The following ANK1 variants were observed in gnomAD, a reference collection of about 807,000 sequenced individuals.
The protein encoded by ANK1 is ankyrin-1.
ANK1 carries 51 observed loss-of-function variants against 210.4 expected under a neutral mutation model. That is an observed-to-expected ratio of 0.24 (90% CI 0.19 to 0.31). ANK1 has a LOEUF of 0.31. Ranked by LOEUF, ANK1 falls within the 10% of genes least tolerant of loss-of-function variation. The pLI is 1.00. For synonymous variants in ANK1, 967 were observed against 1,025.9 expected (o/e 0.94, Z 1.10); for missense variants, 2,051 against 2,504.4 (o/e 0.82, Z 3.86).
Position 41,810,666 on chromosome 8 carries a change from G to A in ANK1, c.127-52529C>T, listed in dbSNP as rs551101417. ...TCCCTGACGGGCCTTCCAGAGCAACGTGCCGCCGAAGCGTAATAGCCCGAT... is the reference window on the plus strand; with the variant it reads ...TCCCTGACGGGCCTTCCAGAGCAACATGCCGCCGAAGCGTAATAGCCCGAT... On this transcript the variant is annotated intron_variant, in intron 1 of 42. Transcript: ENST00000265709. Among the ~76,000 whole-genome samples the A allele has an allele frequency of 4.3e-4, 66 of 152,356 alleles. 1 individual carries two copies. Among genetic ancestry groups the A allele is most frequent in the African/African-American group, 1.5e-3 (63 of 41,590 alleles).
At chr8:41,883,114 C>G (rs1190573069) in intron 1 of ANK1, among the ~76,000 whole-genome samples, 1 of 152,254 alleles carries the variant, frequency 6.6e-6, no homozygotes, top group Admixed American at 6.5e-5. Context: ...AAAGGGCCAG[C>G]TCTGTTAACA....
chr8:41,881,867 A>G (rs1447776574), intron 1 of ANK1, among the ~76,000 whole-genome samples: 1 of 152,160 alleles, frequency 6.6e-6, no homozygotes, highest in Non-Finnish European at 1.5e-5. Flanking sequence ...AGTGGGGAGC[A>G]TAGCCAACAC....
At chr8:41,850,647 A>C (rs1811067625) in intron 1 of ANK1, among the ~76,000 whole-genome samples, 1 of 151,956 alleles carries the variant, frequency 6.6e-6, no homozygotes, top group Non-Finnish European at 1.5e-5. Flanking sequence ...CACCCAGATA[A>C]TTTTTTATAT....
chr8:41,832,814 A>G (rs1037935643), intron 1 of ANK1, among the ~76,000 whole-genome samples: 1 of 152,214 alleles, frequency 6.6e-6, no homozygotes, highest in African/African-American at 2.4e-5. Flanking sequence ...TTTATTTGCT[A>G]AATCTGGCAA....
chr8:41,772,496 G>A (rs920427278), intron 1 of ANK1, among the ~76,000 whole-genome samples: 20 of 152,142 alleles, frequency 1.3e-4, no homozygotes, highest in Non-Finnish European at 2.2e-4. Context: ...CCAGAGGTGT[G>A]GGTTGTCACT....
At position 41,719,649 on chromosome 8, in the gene ANK1, A is replaced by AC; in HGVS notation, c.1107+11dup. On this transcript the variant is annotated intron_variant, in intron 10 of 42. Transcript: ENST00000289734. ...GCCACTCTGCACCTTCTCCAGCAGC[A>AC]CCCCCACTCACCAGGGCTCTGGAGT... is the stretch of plus-strand genomic sequence containing the variant. The AC allele has an allele frequency of 6.2e-7, 1 of 1,613,836 alleles. No individual in the cohort carries two copies. Among genetic ancestry groups the AC allele is most frequent in the East Asian group, 2.2e-5 (1 of 44,868 alleles).
chr8:41,678,296 G>T (rs1272654269), intron 37 of ANK1, among the ~76,000 whole-genome samples: 1 of 152,004 alleles, frequency 6.6e-6, no homozygotes, highest in Non-Finnish European at 1.5e-5. Context: ...GCACCAGCAT[G>T]CCTGGCTAAC....
intron 1 of ANK1, among the ~76,000 whole-genome samples, chr8:41,785,940 G>T (rs766893648): frequency 2.6e-5 from 4 of 152,128 alleles, no homozygotes; most frequent in Non-Finnish European, 5.9e-5. Flanking sequence ...GTCATCAGCG[G>T]TACTCTCCGC....
intron 1 of ANK1, among the ~76,000 whole-genome samples, chr8:41,849,161 C>A (rs1810685083): frequency 6.6e-6 from 1 of 152,254 alleles, no homozygotes; most frequent in Admixed American, 6.5e-5. Flanking sequence ...CACTTCATAT[C>A]CTCTGCCCAT....
chr8:41,849,380 C>T (rs1237225621), intron 1 of ANK1, among the ~76,000 whole-genome samples: 4 of 152,164 alleles, frequency 2.6e-5, no homozygotes, highest in South Asian at 2.1e-4. Flanking sequence ...AAAAATTAGC[C>T]GGGCATGGTG....
chr8:41,671,403 C>T (rs1812238277), intron 38 of ANK1, among the ~76,000 whole-genome samples: 1 of 152,160 alleles, frequency 6.6e-6, no homozygotes, highest in South Asian at 2.1e-4. Flanking sequence ...CAACCGGAAG[C>T]ACGCAAGGGG....
At chr8:41,801,055 A>G (rs1849788728), upstream of ANK1, among the ~76,000 whole-genome samples, 1 of 152,258 alleles carries the variant, frequency 6.6e-6, no homozygotes, top group Non-Finnish European at 1.5e-5. Context: ...TTCAGCCAGG[A>G]TTCATTTATT....
intron 37 of ANK1, among the ~76,000 whole-genome samples, chr8:41,676,851 C>T (rs911972394): frequency 2.0e-5 from 3 of 152,076 alleles, no homozygotes; most frequent in Non-Finnish European, 4.4e-5. Flanking sequence ...GTCTTTCTTC[C>T]CAATATCAGG....
At chr8:41,706,393 T>C (rs1260308468) in intron 17 of ANK1, 152 bp from the exon 18 acceptor site, 7 of 758,742 alleles carry the variant, frequency 9.2e-6, no homozygotes, top group Non-Finnish European at 1.3e-5. Context: ...TGGGCCCCAA[T>C]GTCCTTATCT....
At chr8:41,736,159 A>T (rs532195692) in intron 2 of ANK1, among the ~76,000 whole-genome samples, 9 of 152,312 alleles carry the variant, frequency 5.9e-5, no homozygotes, top group East Asian at 5.8e-4. Flanking sequence ...AGAGGGAGAA[A>T]GTGCTTGAGG....
chr8:41,829,068 C>T (rs1806082281), intron 1 of ANK1: 1 of 152,272 alleles, frequency 6.6e-6, no homozygotes, highest in Non-Finnish European at 1.5e-5. Context: ...GTGAGGGTCC[C>T]CTGCTCACCG....
At chr8:41,723,792 A>T (rs55995722) in intron 7 of ANK1, among the ~76,000 whole-genome samples, 159 bp from the exon 8 acceptor site, 481 of 140,106 alleles carry the variant, frequency 3.4e-3, no homozygotes, top group African/African-American at 9.6e-3. Context: ...TTTATTTTTT[A>T]TTTTTTTTTT....
intron 1 of ANK1, among the ~76,000 whole-genome samples, chr8:41,855,244 C>A (rs1303405965): frequency 6.6e-6 from 1 of 152,152 alleles, no homozygotes; most frequent in Non-Finnish European, 1.5e-5. Context: ...AGAGATAGGA[C>A]ACAAAAATGT....
intron 42 of ANK1, among the ~76,000 whole-genome samples, chr8:41,657,413 A>G (rs1024080321): frequency 3.3e-5 from 5 of 152,300 alleles, no homozygotes; most frequent in African/African-American, 7.2e-5. Context: ...GCTAAGACAC[A>G]TAGGTGCTTA....
Sources: gnomAD v4.1 joint callset for allele counts (sites outside exome capture counted in the v4.1 genomes callset) on GRCh38, gnomAD v4.1.1 for gene constraint, MANE v1.5 for transcripts, NCBI Gene and HGNC (gene_info 2026-07-23, HGNC 2026-07-21) for gene names.